PCDHA2: variants seen among roughly 807,000 people sequenced by gnomAD.
PCDHA2 encodes the protein protocadherin alpha 2, also known as protocadherin alpha-2.
Under a neutral mutation model 66.0 loss-of-function variants are expected in PCDHA2, and 58 were observed. The ratio of observed to expected loss-of-function variants is 0.88; its 90% CI spans 0.71 to 1.09. PCDHA2 has a LOEUF of 1.09. PCDHA2 is among the 50% of genes least tolerant of loss of function. PCDHA2 has a pLI of 0.00. For synonymous variants in PCDHA2, 634 were observed against 554.0 expected (o/e 1.14, Z -2.03); for missense variants, 1,267 against 1,242.3 (o/e 1.02, Z -0.30).
At chr5:140,841,381 C>T (rs2150314479) in intron 1 of PCDHA2, 1 of 1,613,486 alleles carries the variant, frequency 6.2e-7, no homozygotes, top group Non-Finnish European at 8.5e-7. Flanking sequence ...TGCTTCTGCT[C>T]CTCGCAGCCT....
intron 1 of PCDHA2, chr5:140,875,473 A>T: frequency 1.2e-6 from 2 of 1,606,460 alleles, no homozygotes; most frequent in Non-Finnish European, 1.7e-6. Flanking sequence ...ATTTTCTGCA[A>T]TGGTGATTAT....
At chr5:140,813,888 A>G (rs1342935380) in intron 1 of PCDHA2, 1 of 152,312 alleles carries the variant, frequency 6.6e-6, no homozygotes, top group Non-Finnish European at 1.5e-5. Context: ...AGTTCCAGCT[A>G]CTCAGGAGGC....
intron 1 of PCDHA2, chr5:140,883,720 A>G (rs782338608): frequency 4.3e-6 from 7 of 1,613,566 alleles, no homozygotes; most frequent in Middle Eastern, 1.7e-4. Flanking sequence ...ACGCGGACGC[A>G]CAGGAGAACG....
chr5:140,955,976 G>A (rs2095244273), intron 1 of PCDHA2, among the ~76,000 whole-genome samples: 1 of 152,180 alleles, frequency 6.6e-6, no homozygotes, highest in South Asian at 2.1e-4. Flanking sequence ...AGGAATGCTA[G>A]CAATTTTTGC....
chr5:140,917,336 G>C (rs1183036523), intron 1 of PCDHA2, among the ~76,000 whole-genome samples: 1 of 144,856 alleles, frequency 6.9e-6, no homozygotes, highest in Non-Finnish European at 1.5e-5. Context: ...GGGGAGGGGG[G>C]GGATGGTGTA....
At chr5:140,959,956 G>A (rs78198535) in intron 1 of PCDHA2, among the ~76,000 whole-genome samples, 3,568 of 152,304 alleles carry the variant, frequency 0.023, 49 homozygotes, top group Middle Eastern at 0.034. Flanking sequence ...TCATAGGTAG[G>A]AGGTAGATGT....
intron 1 of PCDHA2, chr5:140,877,376 G>A: frequency 6.2e-7 from 1 of 1,614,014 alleles, no homozygotes; most frequent in Non-Finnish European, 8.5e-7. Context: ...AGCACGACAC[G>A]CATCCTGGAT....
chr5:140,829,964 G>C, intron 1 of PCDHA2: 1 of 1,614,006 alleles, frequency 6.2e-7, no homozygotes. Context: ...GTTTCGCGTG[G>C]GGCTGTACAC....
Position 140,843,584 on chromosome 5 carries a change from C to T in PCDHA2, c.2388+46232C>T. On this transcript the variant is annotated intron_variant, in intron 1 of 3. Coordinates refer to ENST00000526136, the MANE Select transcript of PCDHA2 (RefSeq NM_018905.3). The stretch of plus-strand genomic sequence containing the variant: ...GAGCTGGTCATACTCGCAACAACAG[C>T]CGCAGAGGGTGTGCTCTGGTGAGGG... 1.9e-6 allele frequency: 3 copies of T among 1,595,998 alleles called. No homozygotes were observed. In the East Asian group the frequency reaches 6.7e-5, roughly 36 times the overall value.
intron 1 of PCDHA2, among the ~76,000 whole-genome samples, chr5:140,826,710 A>T (rs1769024530): frequency 6.6e-6 from 1 of 152,218 alleles, no homozygotes. Flanking sequence ...GGTGGTATTG[A>T]GAAAGAGGAA....
rs373853046 is a variant in PCDHA2, at chr5:140,802,675, C to G, written c.2388+5323C>G. 19 of 1,613,260 alleles carry G rather than the reference C, an allele frequency of 1.2e-5. No homozygotes were observed. The highest frequency in any genetic ancestry group is 2.2e-5 in the South Asian group (2 of 91,038). ...CAGGAGAACGCCCTGGTGTCCTACT[C>G]GCTGGTGGAACGGCGGGTGGGGGAG... On this transcript the variant is annotated intron_variant, in intron 1 of 3. Transcript: ENST00000526136.
intron 1 of PCDHA2, among the ~76,000 whole-genome samples, chr5:140,895,055 A>T (rs1313066261): frequency 2.0e-5 from 3 of 152,118 alleles, no homozygotes; most frequent in Non-Finnish European, 4.4e-5. Flanking sequence ...ATTCTGCTTC[A>T]TATGGACTCA....
intron 1 of PCDHA2, chr5:140,829,791 C>A (rs2150174783): frequency 1.6e-5 from 26 of 1,613,668 alleles, no homozygotes; most frequent in South Asian, 2.2e-5. Context: ...GCGCTGCTGG[C>A]GCCTCGGGTG....
rs146090059 is a variant in PCDHA2 at position 140,857,944 on chromosome 5, G to A, written c.2388+60592G>A. 6.4e-5 allele frequency: 102 copies of A among 1,597,474 alleles called. 12 individuals are homozygous for A. The highest frequency in any genetic ancestry group is 5.1e-4 in the Admixed American group (30 of 59,248). ...GGCTGTACACGGGCGAGATCAGTAC[G>A]ACGCGCGCTCTGGATGAGACTGACT... On this transcript the variant is annotated intron_variant, in intron 1 of 3. Coordinates refer to ENST00000526136, the MANE Select transcript of PCDHA2 (RefSeq NM_018905.3).
At position 140,842,873 on chromosome 5, in the gene PCDHA2, T is replaced by A. The variant is rs2150346910; in HGVS notation, c.2388+45521T>A. On this transcript the variant is annotated intron_variant, in intron 1 of 3. Coordinates refer to ENST00000526136, the MANE Select transcript of PCDHA2 (RefSeq NM_018905.3). Reference sequence around the variant, plus strand: ...GGTGCACACGGAGAGCGGCAAGGTGTACGCGCTGCAGCCGCTGGACCACGA... The same window carrying A: ...GGTGCACACGGAGAGCGGCAAGGTGAACGCGCTGCAGCCGCTGGACCACGA... 38 of 1,593,718 alleles carry A rather than the reference T, an allele frequency of 2.4e-5. 5 individuals carry two copies. The highest frequency in any genetic ancestry group is 2.3e-4 in the African/African-American group (17 of 74,220).
At chr5:140,797,947 G>A (rs1290909404) in intron 1 of PCDHA2, among the ~76,000 whole-genome samples, 1 of 152,120 alleles carries the variant, frequency 6.6e-6, no homozygotes, top group African/African-American at 2.4e-5. Context: ...CTGCCACCCG[G>A]GTTCAAGTGA....
intron 1 of PCDHA2, among the ~76,000 whole-genome samples, chr5:140,923,098 A>C (rs1003952878): frequency 5.9e-5 from 9 of 152,184 alleles, no homozygotes; most frequent in Non-Finnish European, 1.0e-4. Context: ...GACCAATGGG[A>C]GTATGATTTT....
rs1235174178 is a variant in PCDHA2 at position 140,803,674 on chromosome 5, A to C, written c.2388+6322A>C. The C allele has an allele frequency of 1.9e-6, 3 of 1,595,422 alleles. No homozygotes were observed. In the African/African-American group the frequency reaches 4.0e-5, roughly 22 times the overall value. On this transcript the variant is annotated intron_variant, in intron 1 of 3. Coordinates refer to ENST00000526136, the MANE Select transcript of PCDHA2 (RefSeq NM_018905.3). ...TCCACTCCTCTGGAAATACATTAAT[A>C]GTTAAGTATGAATTATGTGATTCAT...
intron 1 of PCDHA2, chr5:140,861,357 G>A (rs560903391): frequency 3.0e-5 from 10 of 335,976 alleles, no homozygotes; most frequent in East Asian, 7.7e-5. Context: ...GGCACATAGC[G>A]TCTTCGCGGT....
Sources: allele counts gnomAD v4.1 joint callset (sites outside exome capture counted in the v4.1 genomes callset), GRCh38; gene constraint gnomAD v4.1.1; transcripts MANE v1.5; gene names NCBI Gene and HGNC (gene_info 2026-07-23, HGNC 2026-07-21).